PCDH15: variants seen among roughly 807,000 people sequenced by gnomAD.
PCDH15 encodes protocadherin-15.
PCDH15 carries 129 observed loss-of-function variants against 178.5 expected under a neutral mutation model. The ratio of observed to expected loss-of-function variants is 0.72; its 90% CI spans 0.63 to 0.84. The LOEUF (loss-of-function observed/expected upper bound fraction) is 0.84. PCDH15 is among the 40% of genes least tolerant of loss of function. The pLI is 0.00. For synonymous variants in PCDH15, 800 were observed against 732.0 expected, an observed-to-expected ratio of 1.09 and a Z score of -1.50; for missense variants, 2,230 against 2,099.9, an observed-to-expected ratio of 1.06 and a Z score of -1.21.
chr10:54,560,412 T>C (rs764677062), intron 2 of PCDH15, among the ~76,000 whole-genome samples: 6 of 152,270 alleles, frequency 3.9e-5, no homozygotes, highest in Non-Finnish European at 8.8e-5. Context: ...TGTTGCAATA[T>C]ATCAAATTAT....
chr10:55,110,832 C>A (rs1837483686), intron 2 of PCDH15, among the ~76,000 whole-genome samples: 1 of 152,054 alleles, frequency 6.6e-6, no homozygotes, highest in East Asian at 1.9e-4. Context: ...TATGAAAAAA[C>A]AAACAAAATA....
chr10:54,810,642 A>T (rs1952848677), intron 3 of PCDH15, among the ~76,000 whole-genome samples: 1 of 152,178 alleles, frequency 6.6e-6, no homozygotes, highest in Non-Finnish European at 1.5e-5. Flanking sequence ...TTTTAAAACA[A>T]GTGTCAACCC....
rs148823432 is a variant in PCDH15 at position 54,399,778 on chromosome 10, C to T, written c.158-20836G>A. 1.5e-3 allele frequency among the ~76,000 whole-genome samples: 235 copies of T among 152,162 alleles called. 2 individuals are homozygous for T. The highest frequency in any genetic ancestry group is 2.6e-3 in the Non-Finnish European group (174 of 67,992). ...GGCTGTGCAGCCACATCCGCGGGAA[C>T]AGCAAAAGTTAGTGACCAGAAGACA... is the stretch of plus-strand genomic sequence containing the variant. On this transcript the variant is annotated intron_variant, in intron 3 of 37. Coordinates refer to ENST00000644397, the MANE Select transcript of PCDH15 (RefSeq NM_001384140.1).
chr10:54,041,393 C>T (rs527605680), intron 18 of PCDH15, among the ~76,000 whole-genome samples: 1 of 152,138 alleles, frequency 6.6e-6, no homozygotes, highest in African/African-American at 2.4e-5. Flanking sequence ...TGACTTTAAG[C>T]TGAACAACAT....
At chr10:55,062,956 A>T in intron 2 of PCDH15, among the ~76,000 whole-genome samples, 1 of 152,122 alleles carries the variant, frequency 6.6e-6, no homozygotes, top group Middle Eastern at 3.2e-3. Context: ...TAAAAGATGT[A>T]TGTGAATTGC....
chr10:55,273,503 A>G (rs554485230), intron 1 of PCDH15, among the ~76,000 whole-genome samples: 1 of 152,258 alleles, frequency 6.6e-6, no homozygotes, highest in African/African-American at 2.4e-5. Flanking sequence ...GACGAATTCC[A>G]CAAACTAGAA....
intron 1 of PCDH15, among the ~76,000 whole-genome samples, chr10:54,725,806 A>T (rs1409540542): frequency 6.6e-6 from 1 of 151,410 alleles, no homozygotes; most frequent in Non-Finnish European, 1.5e-5. Context: ...ATTTGCAGTA[A>T]ATATTATCAC....
intron 3 of PCDH15, among the ~76,000 whole-genome samples, chr10:54,865,120 A>C (rs1953914161): frequency 1.3e-5 from 2 of 152,134 alleles, no homozygotes; most frequent in Non-Finnish European, 1.5e-5. Context: ...TATGTCTGCG[A>C]GGGTGTTGCC....
intron 2 of PCDH15, among the ~76,000 whole-genome samples, chr10:55,468,057 T>A (rs999094492): frequency 1.4e-5 from 2 of 147,506 alleles, no homozygotes; most frequent in Non-Finnish European, 3.0e-5. Context: ...ACTGAGAGAA[T>A]CATATCCTCA....
chr10:55,236,935 A>G (rs1301637215), intron 1 of PCDH15, among the ~76,000 whole-genome samples: 1 of 151,438 alleles, frequency 6.6e-6, no homozygotes, highest in African/African-American at 2.5e-5. Context: ...TAGAAATGTA[A>G]TATAGTATTT....
chr10:53,920,155 AGGCGGTTGAATACAAG>A (rs1338690237), intron 25 of PCDH15, among the ~76,000 whole-genome samples: 1 of 152,156 alleles, frequency 6.6e-6, no homozygotes, highest in African/African-American at 2.4e-5. Flanking sequence ...ATCTTGCACA[AGGCGGTTGAATACAAG>A]GGCCTGCTTT....
At chr10:55,298,876 C>T (rs148970545) in intron 1 of PCDH15, among the ~76,000 whole-genome samples, 109 of 152,172 alleles carry the variant, frequency 7.2e-4, no homozygotes, top group African/African-American at 1.9e-3. Flanking sequence ...CCGTGCCCGG[C>T]GATAGTGTCG....
chr10:55,490,164 G>C (rs1376036190), intron 2 of PCDH15, among the ~76,000 whole-genome samples: 2 of 151,746 alleles, frequency 1.3e-5, no homozygotes, highest in African/African-American at 2.4e-5. Flanking sequence ...CTAGTTTTCT[G>C]TCAGGAGGCA....
chr10:54,836,502 C>T (rs1287285681), intron 3 of PCDH15, among the ~76,000 whole-genome samples: 1 of 152,022 alleles, frequency 6.6e-6, no homozygotes, highest in Non-Finnish European at 1.5e-5. Context: ...GCAATTGTTA[C>T]ACAGTTGTAA....
chr10:54,925,201 A>T, intron 2 of PCDH15, among the ~76,000 whole-genome samples: 1 of 152,152 alleles, frequency 6.6e-6, no homozygotes, highest in Non-Finnish European at 1.5e-5. Context: ...TAAATAAAAA[A>T]TCCTTTCCTT....
chr10:55,457,465 C>T (rs574483361), intron 2 of PCDH15, among the ~76,000 whole-genome samples: 19 of 151,958 alleles, frequency 1.3e-4, no homozygotes, highest in African/African-American at 4.1e-4. Flanking sequence ...AAACATGCAT[C>T]GCTTTTTACT....
intron 26 of PCDH15, among the ~76,000 whole-genome samples, chr10:53,877,866 T>A (rs1322013881): frequency 6.6e-6 from 1 of 152,124 alleles, no homozygotes; most frequent in African/African-American, 2.4e-5. Context: ...TAGGCCAAGC[T>A]TACACTGGCC....
intron 23 of PCDH15, among the ~76,000 whole-genome samples, chr10:53,946,167 C>T (rs1176410769): frequency 6.6e-6 from 1 of 152,148 alleles, no homozygotes; most frequent in African/African-American, 2.4e-5. Context: ...AATAAATCCA[C>T]TTCATATAAC....
At chr10:55,541,991 T>C (rs1413911745) in intron 2 of PCDH15, among the ~76,000 whole-genome samples, 1 of 151,734 alleles carries the variant, frequency 6.6e-6, no homozygotes, top group African/African-American at 2.4e-5. Context: ...ATACAATATA[T>C]AAACCTGAGA....
Sources: gnomAD v4.1 joint callset for allele counts (sites outside exome capture counted in the v4.1 genomes callset) on GRCh38, gnomAD v4.1.1 for gene constraint, MANE v1.5 for transcripts, NCBI Gene and HGNC (gene_info 2026-07-23, HGNC 2026-07-21) for gene names.